The following GRM1 variants were observed in gnomAD, a reference collection of about 807,000 sequenced individuals.
GRM1 encodes metabotropic glutamate receptor 1.
A neutral mutation model predicts 90.9 loss-of-function variants in GRM1; 33 were observed. The observed-to-expected ratio is 0.36, with a 90% confidence interval of 0.28 to 0.49. The LOEUF (loss-of-function observed/expected upper bound fraction) is 0.49, where lower values mean the gene tolerates loss of function less well. Among genes scored for constraint, GRM1 ranks in the 20% least tolerant of loss-of-function variants. The pLI is 0.99. For missense variants in GRM1, 1,190 were observed against 1,534.3 expected (o/e 0.78, Z 3.75); for synonymous variants, 700 against 613.2 (o/e 1.14, Z -2.09).
intron 2 of GRM1, among the ~76,000 whole-genome samples, chr6:146,257,651 G>A (rs1781535612): frequency 6.6e-6 from 1 of 152,092 alleles, no homozygotes; most frequent in African/African-American, 2.4e-5. Context: ...GGATACCCAA[G>A]AAAGCTGGCA....
chr6:146,392,720 G>A (rs1203093523), intron 6 of GRM1, among the ~76,000 whole-genome samples: 1 of 152,044 alleles, frequency 6.6e-6, no homozygotes, highest in Non-Finnish European at 1.5e-5. Context: ...GGCGTATGAT[G>A]TTCCCCTCGC....
intron 2 of GRM1, among the ~76,000 whole-genome samples, chr6:146,182,419 T>C (rs1346983801): frequency 6.6e-6 from 1 of 151,978 alleles, no homozygotes; most frequent in Non-Finnish European, 1.5e-5. Flanking sequence ...ATCCCTCAGT[T>C]CCCCCCAAGT....
At chr6:146,406,935 C>G (rs1007976186) in intron 7 of GRM1, among the ~76,000 whole-genome samples, 6 of 152,140 alleles carry the variant, frequency 3.9e-5, no homozygotes, top group African/African-American at 1.4e-4. Flanking sequence ...GTTGGGGATA[C>G]AGCATGCACA....
At chr6:146,364,247 C>T (rs1775595244) in intron 5 of GRM1, among the ~76,000 whole-genome samples, 1 of 152,118 alleles carries the variant, frequency 6.6e-6, no homozygotes, top group African/African-American at 2.4e-5. Flanking sequence ...GAAATAGTTT[C>T]TTTCTCCTCC....
At chr6:146,066,351 G>T (rs534581355) in intron 1 of GRM1, among the ~76,000 whole-genome samples, 2 of 152,254 alleles carry the variant, frequency 1.3e-5, no homozygotes, top group East Asian at 3.9e-4. Flanking sequence ...GTTAGTTCAT[G>T]TAGGATAATT....
At chr6:146,148,617 G>T (rs922245081) in intron 1 of GRM1, among the ~76,000 whole-genome samples, 1 of 152,066 alleles carries the variant, frequency 6.6e-6, no homozygotes, top group Non-Finnish European at 1.5e-5. Context: ...TTTTGTGACT[G>T]AAACTTCGTG....
intron 3 of GRM1, among the ~76,000 whole-genome samples, chr6:146,332,511 C>T (rs937438834): frequency 6.6e-6 from 1 of 152,184 alleles, no homozygotes; most frequent in East Asian, 1.9e-4. Context: ...CGCAGTCCCT[C>T]CTGTGCTTCC....
chr6:146,221,919 C>G (rs1780077121), intron 2 of GRM1, among the ~76,000 whole-genome samples: 1 of 152,098 alleles, frequency 6.6e-6, no homozygotes, highest in Non-Finnish European at 1.5e-5. Context: ...ACAAAATACT[C>G]ATCTTTTTAT....
intron 1 of GRM1, among the ~76,000 whole-genome samples, chr6:146,127,860 T>C (rs538499655): frequency 2.0e-5 from 3 of 152,334 alleles, no homozygotes; most frequent in East Asian, 1.9e-4. Flanking sequence ...TTTGTCATGA[T>C]TGTGTAATGT....
At chr6:146,141,074 A>G (rs188181736) in intron 1 of GRM1, among the ~76,000 whole-genome samples, 72 of 152,248 alleles carry the variant, frequency 4.7e-4, no homozygotes, top group African/African-American at 1.7e-3. Context: ...TGTTGATGAA[A>G]TCTCTCAACT....
intron 1 of GRM1, among the ~76,000 whole-genome samples, chr6:146,074,484 C>A (rs1381146353): frequency 6.6e-6 from 1 of 152,102 alleles, no homozygotes; most frequent in Non-Finnish European, 1.5e-5. Flanking sequence ...CTACATTAGA[C>A]CCCACCCAGA....
intron 7 of GRM1, among the ~76,000 whole-genome samples, chr6:146,405,230 A>C (rs547832915): frequency 1.1e-4 from 16 of 152,326 alleles, no homozygotes; most frequent in African/African-American, 3.8e-4. Context: ...GGTCTAGGCC[A>C]GACCTCTAGA....
At chr6:146,423,680 A>T (rs913658661) in intron 7 of GRM1, among the ~76,000 whole-genome samples, 1 of 152,116 alleles carries the variant, frequency 6.6e-6, no homozygotes, top group Admixed American at 6.5e-5. Flanking sequence ...AGAAGTACAG[A>T]TGCTGCCTGG....
intron 1 of GRM1, among the ~76,000 whole-genome samples, chr6:146,120,499 C>T (rs1051819795): frequency 5.7e-4 from 87 of 152,260 alleles, no homozygotes; most frequent in Admixed American, 1.3e-3. Context: ...TGAGAGAGGG[C>T]ATCCCTGTCT....
chr6:146,392,130 G>A (rs1165033499), intron 6 of GRM1, among the ~76,000 whole-genome samples: 1 of 152,130 alleles, frequency 6.6e-6, no homozygotes, highest in African/African-American at 2.4e-5. Context: ...GTGTTTGGTG[G>A]CAACCAAATC....
At chr6:146,400,006 C>T (rs1485088042) in intron 7 of GRM1, among the ~76,000 whole-genome samples, 3 of 152,178 alleles carry the variant, frequency 2.0e-5, no homozygotes, top group Non-Finnish European at 1.5e-5. Context: ...AGTAACTTAC[C>T]CTTTCGCATG....
chr6:146,391,416 T>C (rs1776716643), intron 6 of GRM1, among the ~76,000 whole-genome samples: 1 of 152,036 alleles, frequency 6.6e-6, no homozygotes, highest in East Asian at 1.9e-4. Context: ...TTCCCAAGGT[T>C]CAGATATGCA....
At chr6:146,242,967 A>G (rs1780922319) in intron 2 of GRM1, among the ~76,000 whole-genome samples, 1 of 152,116 alleles carries the variant, frequency 6.6e-6, no homozygotes, top group Non-Finnish European at 1.5e-5. Context: ...TATTTAGGTT[A>G]AGCTATAACC....
intron 1 of GRM1, among the ~76,000 whole-genome samples, chr6:146,158,517 G>A (rs1777600038): frequency 1.3e-5 from 2 of 152,088 alleles, no homozygotes; most frequent in African/African-American, 4.8e-5. Flanking sequence ...TCAGTGGAAG[G>A]GGAGAGTTTG....
Sources: allele counts gnomAD v4.1 joint callset (sites outside exome capture counted in the v4.1 genomes callset), GRCh38; gene constraint gnomAD v4.1.1; transcripts MANE v1.5; gene names NCBI Gene and HGNC (gene_info 2026-07-23, HGNC 2026-07-21).